Variants in DIAPH2 observed in about 807,000 individuals in gnomAD.
DIAPH2 encodes the protein diaphanous related formin 2, also known as protein diaphanous homolog 2.
DIAPH2 carries 35 observed loss-of-function variants against 92.7 expected under a neutral mutation model. The ratio of observed to expected loss-of-function variants is 0.38; its 90% confidence interval spans 0.29 to 0.50. The LOEUF (loss-of-function observed/expected upper bound fraction) is 0.50. DIAPH2 is among the 20% of genes least tolerant of loss of function. DIAPH2 has a pLI of 0.94. For synonymous variants in DIAPH2, 301 were observed against 280.4 expected (o/e 1.07, Z -0.73); for missense variants, 701 against 819.5 (o/e 0.86, Z 1.77).
At chrX:97,229,202 T>C (rs1257055663) in intron 22 of DIAPH2, among the ~76,000 whole-genome samples, 1 of 112,661 alleles carries the variant, frequency 8.9e-6, no homozygotes, top group Non-Finnish European at 1.9e-5. Flanking sequence ...ATGTTAGTCA[T>C]ATTCATTAGT....
At chrX:96,863,031 T>C (rs1023234809) in intron 4 of DIAPH2, among the ~76,000 whole-genome samples, 1 of 110,499 alleles carries the variant, frequency 9.0e-6, no homozygotes, top group Non-Finnish European at 1.9e-5. Context: ...ACGTATTCTT[T>C]CACCTCCACT....
intron 4 of DIAPH2, among the ~76,000 whole-genome samples, chrX:96,838,161 A>T: frequency 8.9e-6 from 1 of 112,077 alleles, no homozygotes; most frequent in South Asian, 3.7e-4. Context: ...CTTAAATTTG[A>T]TGAATAAGAT....
intron 4 of DIAPH2, among the ~76,000 whole-genome samples, chrX:96,842,157 A>G (rs2064941131): frequency 8.9e-6 from 1 of 111,831 alleles, no homozygotes. Context: ...TTCTTCCTTT[A>G]CAGAATGCCC....
At chrX:96,838,282 G>A (rs758289900) in intron 4 of DIAPH2, among the ~76,000 whole-genome samples, 36 of 111,410 alleles carry the variant, frequency 3.2e-4, no homozygotes, top group African/African-American at 1.1e-3. Flanking sequence ...ATCAAAACAG[G>A]GATATTCAGC....
intron 22 of DIAPH2, among the ~76,000 whole-genome samples, chrX:97,230,165 C>A (rs1338896304): frequency 9.0e-6 from 1 of 110,761 alleles, no homozygotes; most frequent in African/African-American, 3.3e-5. Context: ...AACAATTTTT[C>A]CATGTGTCAA....
chrX:96,811,465 A>G (rs965067686), intron 4 of DIAPH2, among the ~76,000 whole-genome samples: 1 of 111,988 alleles, frequency 8.9e-6, no homozygotes, highest in African/African-American at 3.3e-5. Context: ...ATCTGCAAAC[A>G]GGGACAATTT....
intron 26 of DIAPH2, among the ~76,000 whole-genome samples, chrX:97,508,371 A>G (rs2070852530): frequency 8.9e-6 from 1 of 112,216 alleles, no homozygotes; most frequent in African/African-American, 3.2e-5. Context: ...AAAATGCAGT[A>G]ATGGAGAATC....
chrX:97,392,990 G>T (rs1045220764), intron 25 of DIAPH2, among the ~76,000 whole-genome samples: 11 of 111,564 alleles, frequency 9.9e-5, no homozygotes, highest in African/African-American at 3.3e-4. Context: ...ATGGAGCCGG[G>T]CTGTGAAAGA....
chrX:97,125,522 A>G (rs1209277294), intron 21 of DIAPH2, among the ~76,000 whole-genome samples: 1 of 108,037 alleles, frequency 9.3e-6, no homozygotes, highest in East Asian at 2.9e-4. Context: ...AGAATTACCA[A>G]ATTATATTCC....
intron 22 of DIAPH2, among the ~76,000 whole-genome samples, chrX:97,203,743 C>A (rs766401647): frequency 9.0e-6 from 1 of 111,662 alleles, no homozygotes; most frequent in East Asian, 2.8e-4. Context: ...ACCAGAGGTA[C>A]AAAGAGGAGC....
At chrX:97,321,653 C>G (rs2068897575) in intron 23 of DIAPH2, among the ~76,000 whole-genome samples, 1 of 104,745 alleles carries the variant, frequency 9.5e-6, no homozygotes, top group African/African-American at 3.5e-5. Flanking sequence ...AGGTTCATGC[C>G]ATTCTCCTGC....
intron 3 of DIAPH2, among the ~76,000 whole-genome samples, chrX:96,749,145 A>AAAATATAT (rs1252042191): frequency 3.5e-4 from 28 of 79,796 alleles, no homozygotes; most frequent in African/African-American, 1.3e-3. Flanking sequence ...AAAAAAAAAA[A>AAAATATAT]ATATATATAT....
intron 23 of DIAPH2, among the ~76,000 whole-genome samples, chrX:97,332,647 A>G (rs1190643477): frequency 1.8e-5 from 2 of 111,877 alleles, no homozygotes; most frequent in South Asian, 3.7e-4. Flanking sequence ...AAAATGTCCA[A>G]AGAATTCAGA....
chrX:96,905,139 T>A (rs1602616816), intron 5 of DIAPH2, among the ~76,000 whole-genome samples: 1 of 111,772 alleles, frequency 8.9e-6, no homozygotes, highest in African/African-American at 3.2e-5. Context: ...CCAATTGCCT[T>A]TACAGCTTAT....
At chrX:96,926,766 C>T (rs1033063816) in intron 9 of DIAPH2, among the ~76,000 whole-genome samples, 1 of 111,298 alleles carries the variant, frequency 9.0e-6, no homozygotes, top group East Asian at 2.8e-4. Context: ...AATCTTATGA[C>T]ATCACTGAAT....
chrX:96,815,058 C>T (rs994646078), intron 4 of DIAPH2, among the ~76,000 whole-genome samples: 1 of 112,404 alleles, frequency 8.9e-6, no homozygotes, highest in Non-Finnish European at 1.9e-5. Flanking sequence ...AACCACTGCT[C>T]TCTTCAGAGC....
At chrX:97,251,015 A>G (rs2068184389) in intron 23 of DIAPH2, among the ~76,000 whole-genome samples, 1 of 111,732 alleles carries the variant, frequency 8.9e-6, no homozygotes, top group Non-Finnish European at 1.9e-5. Flanking sequence ...GCTGGGGCCA[A>G]TGGCTTTAGA....
At chrX:97,270,502 C>T (rs900659844) in intron 23 of DIAPH2, among the ~76,000 whole-genome samples, 2 of 111,969 alleles carry the variant, frequency 1.8e-5, no homozygotes, top group South Asian at 3.8e-4. Flanking sequence ...AGGTGGCAGC[C>T]TTAACAAGGA....
At chrX:96,740,726 A>G (rs2064114015) in intron 3 of DIAPH2, among the ~76,000 whole-genome samples, 1 of 111,762 alleles carries the variant, frequency 8.9e-6, no homozygotes, top group Non-Finnish European at 1.9e-5. Flanking sequence ...CTATTAAAAT[A>G]GCCTCCCAAC....
Sources: allele counts gnomAD v4.1 joint callset (sites outside exome capture counted in the v4.1 genomes callset), GRCh38; gene constraint gnomAD v4.1.1; transcripts MANE v1.5; gene names NCBI Gene and HGNC (gene_info 2026-07-23, HGNC 2026-07-21).